The following MGMT variants were observed in gnomAD, a reference collection of about 807,000 sequenced individuals.
MGMT encodes O-6-methylguanine-DNA methyltransferase.
In MGMT, 14 loss-of-function variants were observed where a neutral mutation model predicts 15.9. The ratio of observed to expected loss-of-function variants is 0.88; its 90% CI spans 0.58 to 1.37. The LOEUF (loss-of-function observed/expected upper bound fraction) is 1.37. MGMT is among the 40% of genes most tolerant of loss of function. MGMT has a pLI of 0.00. For synonymous variants in MGMT, 130 were observed against 118.2 expected (o/e 1.10, Z -0.65); for missense variants, 282 against 268.1 (o/e 1.05, Z -0.36).
intron 3 of MGMT, among the ~76,000 whole-genome samples, chr10:129,748,157 C>G (rs2133177374): frequency 6.6e-6 from 1 of 152,324 alleles, no homozygotes; most frequent in East Asian, 1.9e-4. Flanking sequence ...TCCTTGAAGA[C>G]AGAGTATCTA....
chr10:129,655,258 G>T (rs1464008920), intron 2 of MGMT, among the ~76,000 whole-genome samples: 1 of 152,240 alleles, frequency 6.6e-6, no homozygotes. Flanking sequence ...TCTGCCAGGA[G>T]TGAAGACCTG....
chr10:129,592,552 G>T (rs773007376), intron 2 of MGMT, among the ~76,000 whole-genome samples: 3 of 152,204 alleles, frequency 2.0e-5, no homozygotes, highest in Non-Finnish European at 2.9e-5. Flanking sequence ...GCAGACAGTT[G>T]ATTCGGAAGG....
chr10:129,548,183 C>T (rs903874925), intron 2 of MGMT, among the ~76,000 whole-genome samples: 2 of 152,172 alleles, frequency 1.3e-5, no homozygotes, highest in Admixed American at 6.5e-5. Flanking sequence ...GACTCTTTCC[C>T]TTGTTCGTCT....
At chr10:129,534,121 T>C (rs1845961026) in intron 1 of MGMT, among the ~76,000 whole-genome samples, 1 of 152,176 alleles carries the variant, frequency 6.6e-6, no homozygotes, top group Admixed American at 6.5e-5. Flanking sequence ...ACAAAGACAG[T>C]TGAAGCACCA....
chr10:129,674,756 C>T (rs968998368), intron 2 of MGMT, among the ~76,000 whole-genome samples: 2 of 152,244 alleles, frequency 1.3e-5, no homozygotes, highest in African/African-American at 4.8e-5. Flanking sequence ...CTCTATCCTG[C>T]ATGTTCTTGG....
chr10:129,770,280 C>A lies in MGMT; in HGVS notation c.*3283C>A, dbSNP rs192534509. On this transcript the variant is annotated 3_prime_UTR_variant, in exon 5 of 5. Transcript: ENST00000651593. ...CTGTAAGATAAGGATAAAATCCCATCCACCTGAATTGCTGAGAAACGTAAG... is the reference window on the plus strand; with the variant it reads ...CTGTAAGATAAGGATAAAATCCCATACACCTGAATTGCTGAGAAACGTAAG... Among the ~76,000 whole-genome samples the A allele has an allele frequency of 6.6e-6, 1 of 152,240 alleles. No homozygotes were observed. The highest frequency in any genetic ancestry group is 6.5e-5 in the Admixed American group (1 of 15,288).
intron 3 of MGMT, among the ~76,000 whole-genome samples, chr10:129,727,923 G>A (rs1469881936): frequency 6.6e-6 from 1 of 152,220 alleles, no homozygotes; most frequent in Admixed American, 6.5e-5. Flanking sequence ...AACATAGACT[G>A]AGGCTGGGCC....
intron 2 of MGMT, among the ~76,000 whole-genome samples, chr10:129,591,749 G>C (rs193068174): frequency 2.0e-5 from 3 of 152,298 alleles, no homozygotes; most frequent in Non-Finnish European, 4.4e-5. Context: ...GGCCAACATA[G>C]TGAAACCCTA....
chr10:129,726,341 G>T (rs1277169729), intron 3 of MGMT, among the ~76,000 whole-genome samples: 1 of 152,160 alleles, frequency 6.6e-6, no homozygotes, highest in African/African-American at 2.4e-5. Flanking sequence ...AGGGCCACGT[G>T]CAGGTGGAGT....
At chr10:129,680,723 C>G (rs1054521975) in intron 2 of MGMT, among the ~76,000 whole-genome samples, 5 of 152,222 alleles carry the variant, frequency 3.3e-5, no homozygotes, top group African/African-American at 7.2e-5. Flanking sequence ...CAGGTACCCG[C>G]TCTGGGAAGC....
intron 2 of MGMT, among the ~76,000 whole-genome samples, chr10:129,574,428 A>C (rs945122694): frequency 2.6e-5 from 4 of 152,238 alleles, no homozygotes; most frequent in Non-Finnish European, 5.9e-5. Flanking sequence ...GAGAAACTTC[A>C]TAAGATTTTG....
chr10:129,504,397 G>T (rs919080135), intron 1 of MGMT, among the ~76,000 whole-genome samples: 1 of 152,240 alleles, frequency 6.6e-6, no homozygotes, highest in African/African-American at 2.4e-5. Context: ...AAAACTTTGT[G>T]TAGAGAAAAA....
At chr10:129,620,554 G>A (rs1010664660) in intron 2 of MGMT, among the ~76,000 whole-genome samples, 2 of 152,258 alleles carry the variant, frequency 1.3e-5, no homozygotes, top group South Asian at 4.2e-4. Context: ...TCCTCCTGAT[G>A]TGCTGGCTCC....
intron 4 of MGMT, among the ~76,000 whole-genome samples, chr10:129,765,300 G>A (rs907444780): frequency 6.6e-6 from 1 of 152,140 alleles, no homozygotes; most frequent in African/African-American, 2.4e-5. Context: ...CATGCTCCTG[G>A]GAAGCCATTC....
intron 2 of MGMT, among the ~76,000 whole-genome samples, chr10:129,670,161 G>A (rs1278999421): frequency 1.3e-5 from 2 of 148,388 alleles, no homozygotes; most frequent in African/African-American, 4.9e-5. Context: ...TAAATAATGT[G>A]CAATAGATTC....
chr10:129,575,072 C>T (rs1037933096), intron 2 of MGMT, among the ~76,000 whole-genome samples: 1 of 152,074 alleles, frequency 6.6e-6, no homozygotes, highest in African/African-American at 2.4e-5. Flanking sequence ...TAGTCTCCCA[C>T]ACAACAATAA....
chr10:129,601,623 G>A (rs1246755808), intron 2 of MGMT, among the ~76,000 whole-genome samples: 5 of 152,170 alleles, frequency 3.3e-5, no homozygotes, highest in Admixed American at 3.3e-4. Context: ...CCCCAGCAGT[G>A]GCAGAAATCC....
At chr10:129,544,840 C>T (rs1846082339) in intron 2 of MGMT, among the ~76,000 whole-genome samples, 1 of 152,208 alleles carries the variant, frequency 6.6e-6, no homozygotes, top group Non-Finnish European at 1.5e-5. Context: ...CTGTGAGAAA[C>T]GCCAAGTGTG....
chr10:129,575,720 C>G (rs1408090628), intron 2 of MGMT, among the ~76,000 whole-genome samples: 1 of 151,372 alleles, frequency 6.6e-6, no homozygotes, highest in Non-Finnish European at 1.5e-5. Context: ...CACAAAAAAC[C>G]CTTCAAAAAA....
Sources: allele counts gnomAD v4.1 joint callset (sites outside exome capture counted in the v4.1 genomes callset), GRCh38; gene constraint gnomAD v4.1.1; transcripts MANE v1.5; gene names NCBI Gene and HGNC (gene_info 2026-07-23, HGNC 2026-07-21).